The following MYCBP2 variants were observed in gnomAD, a reference collection of about 807,000 sequenced individuals.
MYCBP2 encodes MYC binding protein 2, also known as E3 ubiquitin-protein ligase MYCBP2.
Under a neutral mutation model 525.3 loss-of-function variants are expected in MYCBP2, and 120 were observed. The ratio of observed to expected loss-of-function variants is 0.23; its 90% CI spans 0.20 to 0.27. MYCBP2 has a LOEUF of 0.27. Among genes scored for constraint, MYCBP2 ranks in the 10% least tolerant of loss-of-function variants. The probability of loss-of-function intolerance (pLI) is 1.00; values close to 1 mark genes in which losing one functional copy is unlikely to be tolerated. For missense variants in MYCBP2, 4,149 were observed against 5,657.1 expected (o/e 0.73, Z 8.55); for synonymous variants, 1,894 against 1,955.8 (o/e 0.97, Z 0.83).
chr13:77,109,343 G>A (rs769934101), intron 55 of MYCBP2, among the ~76,000 whole-genome samples: 2 of 152,152 alleles, frequency 1.3e-5, no homozygotes, highest in Non-Finnish European at 2.9e-5. Context: ...TCATACTAGG[G>A]TTTGCACTCT....
intron 52 of MYCBP2, among the ~76,000 whole-genome samples, chr13:77,134,901 A>G (rs1381135360): frequency 1.3e-5 from 2 of 152,210 alleles, no homozygotes; most frequent in African/African-American, 4.8e-5. Context: ...TGAATACACG[A>G]ATTCTAAAAC....
In MYCBP2 at chr13:77,044,751, T is replaced by C; in HGVS notation, c.*627A>G. 1 of 398,890 alleles carries C rather than the reference T, an allele frequency of 2.5e-6. No homozygotes were observed. Among genetic ancestry groups the C allele is most frequent in the Non-Finnish European group, 4.4e-6 (1 of 226,010 alleles). The allele number at this position is 398,890 out of a possible 1,614,324, so 24.7% of individuals were successfully genotyped here. ...GCAAGATAATGAGGCACACTCAGTA[T>C]TGCACTTCATTAAAATTTCAGGCTC... On this transcript the variant is annotated 3_prime_UTR_variant, in exon 83 of 83. Coordinates refer to ENST00000544440, the MANE Select transcript of MYCBP2 (RefSeq NM_015057.5).
intron 15 of MYCBP2, among the ~76,000 whole-genome samples, chr13:77,248,054 A>C (rs952708475): frequency 1.3e-5 from 2 of 151,894 alleles, no homozygotes; most frequent in Non-Finnish European, 2.9e-5. Flanking sequence ...TAACGAGTTA[A>C]TGGGTGCAGC....
At chr13:77,182,653 C>T (rs1037336195) in intron 32 of MYCBP2, among the ~76,000 whole-genome samples, 4 of 152,170 alleles carry the variant, frequency 2.6e-5, no homozygotes, top group Non-Finnish European at 5.9e-5. Context: ...GTGCACTAGT[C>T]CAGGCAATAA....
chr13:77,210,317 C>T (rs1164808131), intron 23 of MYCBP2, among the ~76,000 whole-genome samples: 3 of 151,646 alleles, frequency 2.0e-5, no homozygotes, highest in Non-Finnish European at 4.4e-5. Flanking sequence ...CTCAGCCTCC[C>T]GAGTAGCTGG....
intron 55 of MYCBP2, chr13:77,100,222 T>G (rs760604747): frequency 1.3e-4 from 20 of 152,124 alleles, no homozygotes; most frequent in Non-Finnish European, 2.6e-4. Context: ...CAAATTCAGA[T>G]GATGTAGGAA....
At chr13:77,261,397 G>T in intron 11 of MYCBP2, 22 bp from the exon 12 acceptor site, 1 of 1,045,184 alleles carries the variant, frequency 9.6e-7, no homozygotes, top group Non-Finnish European at 1.4e-6. Flanking sequence ...AAAAAAAAAA[G>T]GAATTATGGT....
intron 17 of MYCBP2, among the ~76,000 whole-genome samples, chr13:77,241,128 A>AT (rs1159448995): frequency 6.6e-6 from 1 of 152,130 alleles, no homozygotes; most frequent in African/African-American, 2.4e-5. Flanking sequence ...TTTTAACTTT[A>AT]AAGGGTTAAT....
At chr13:77,291,799 A>G (rs1259381446) in intron 2 of MYCBP2, among the ~76,000 whole-genome samples, 7 of 151,908 alleles carry the variant, frequency 4.6e-5, no homozygotes, top group Non-Finnish European at 8.8e-5. Context: ...CTAAACGTAC[A>G]TTTACCGTGC....
At position 77,181,927 on chromosome 13, in the gene MYCBP2, T is replaced by G. The variant is rs1225696425; in HGVS notation, c.4720-5A>C. 5 of 1,611,424 alleles carry G rather than the reference T, an allele frequency of 3.1e-6. No individual in the cohort carries two copies. In the African/African-American group the frequency reaches 5.3e-5, roughly 17 times the overall value. On this transcript the variant is annotated splice_region_variant and splice_polypyrimidine_tract_variant and intron_variant, in intron 32 of 82. Transcript: ENST00000544440. ...GAAGTTTGCTTCTTGGATATCCTTT[T>G]AAAAACAAAAATATGGCCCCCCAAC...
At position 77,205,804 on chromosome 13, in the gene MYCBP2, GACA is replaced by G. The variant is rs1489689470; in HGVS notation, c.3590-209_3590-207del. 3.9e-5 allele frequency among the ~76,000 whole-genome samples: 6 copies of G among 152,132 alleles called. No homozygotes were observed. In the South Asian group the frequency reaches 8.3e-4, roughly 21 times the overall value. On this transcript the variant is annotated intron_variant, in intron 24 of 82. Coordinates refer to ENST00000544440, the MANE Select transcript of MYCBP2 (RefSeq NM_015057.5). ...ATGATCATATTTAAACTTGCCATAC[GACA>G]ACCTTTTACACAAAACTGGATCTCT...
chr13:77,094,121 T>C (rs1054505694), intron 58 of MYCBP2, among the ~76,000 whole-genome samples: 2 of 152,176 alleles, frequency 1.3e-5, no homozygotes, highest in Non-Finnish European at 2.9e-5. Context: ...CATTTTATTG[T>C]AATAGTAAGC....
At chr13:77,251,448 T>C (rs1011242903) in intron 14 of MYCBP2, 93 bp from the exon 15 acceptor site, 8 of 1,049,682 alleles carry the variant, frequency 7.6e-6, no homozygotes, top group South Asian at 1.5e-5. Context: ...AATGACAGCA[T>C]GCTAATCCAA....
intron 14 of MYCBP2, among the ~76,000 whole-genome samples, chr13:77,252,062 GCAGT>G (rs2071303132): frequency 6.6e-6 from 1 of 152,050 alleles, no homozygotes; most frequent in African/African-American, 2.4e-5. Context: ...CCTTTTCCAG[GCAGT>G]CAGTCACTAC....
chr13:77,127,734 C>G (rs1013717143), intron 52 of MYCBP2, among the ~76,000 whole-genome samples: 1 of 151,834 alleles, frequency 6.6e-6, no homozygotes, highest in African/African-American at 2.4e-5. Context: ...TTCATACACA[C>G]AGTAACACAG....
chr13:77,088,163 A>G (rs1483322679), intron 61 of MYCBP2, among the ~76,000 whole-genome samples: 2 of 152,158 alleles, frequency 1.3e-5, no homozygotes, highest in African/African-American at 4.8e-5. Flanking sequence ...AATTTAAAAA[A>G]AACAGGAAAA....
At chr13:77,198,119 T>A (rs2061959896) in intron 26 of MYCBP2, among the ~76,000 whole-genome samples, 1 of 152,222 alleles carries the variant, frequency 6.6e-6, no homozygotes, top group East Asian at 1.9e-4. Flanking sequence ...TTCTCTAACG[T>A]GAGGATGAAT....
At position 77,058,918 on chromosome 13, in the gene MYCBP2, G is replaced by C. The variant is rs1177961566; in HGVS notation, c.13141-512C>G. On this transcript the variant is annotated intron_variant, in intron 77 of 82. Coordinates refer to ENST00000544440, the MANE Select transcript of MYCBP2 (RefSeq NM_015057.5). This position sits in a 1 kb window ranked among gnomAD's most constrained non-coding sequence, Gnocchi z 4.1. ...GAGAATCGCTTGAACCCGGGAGGCGGAGGTTGCAGTGAGCCGAGATCGTGC... is the reference window on the plus strand; with the variant it reads ...GAGAATCGCTTGAACCCGGGAGGCGCAGGTTGCAGTGAGCCGAGATCGTGC... Among the ~76,000 whole-genome samples, 3 of 152,156 alleles carry C rather than the reference G, an allele frequency of 2.0e-5. No individual in the cohort carries two copies.
At chr13:77,206,881 A>G (rs2063406708) in intron 23 of MYCBP2, 56 bp from the exon 24 acceptor site, 4 of 1,412,480 alleles carry the variant, frequency 2.8e-6, no homozygotes, top group Non-Finnish European at 1.9e-6. Context: ...TTTAAAAAAA[A>G]TTCCTAAAAC....
Sources: gnomAD v4.1 joint callset for allele counts (sites outside exome capture counted in the v4.1 genomes callset) on GRCh38, gnomAD v4.1.1 for gene constraint, Gnocchi (gnomAD v3.1) non-coding constraint, MANE v1.5 for transcripts, NCBI Gene and HGNC (gene_info 2026-07-23, HGNC 2026-07-21) for gene names.